Variants in TGM2 observed in about 807,000 individuals in gnomAD.
TGM2 encodes the protein transglutaminase 2, also known as protein-glutamine gamma-glutamyltransferase 2.
Under a neutral mutation model 75.6 loss-of-function variants are expected in TGM2, and 53 were observed. That is an observed-to-expected ratio of 0.70 (90% CI 0.56 to 0.88). TGM2 has a LOEUF of 0.88. TGM2 is among the 40% of genes least tolerant of loss of function. The pLI, the probability that TGM2 is intolerant of heterozygous loss-of-function variation, is 0.00. For synonymous variants in TGM2, 374 were observed against 381.1 expected (o/e 0.98, Z 0.22); for missense variants, 842 against 928.5 (o/e 0.91, Z 1.21).
At chr20:38,163,943 C>T (rs1009047932) in intron 1 of TGM2, among the ~76,000 whole-genome samples, 1 of 152,262 alleles carries the variant, frequency 6.6e-6, no homozygotes, top group Admixed American at 6.5e-5. Context: ...ACGCCCAGCT[C>T]CAAAGATGCA....
At chr20:38,135,424 C>G (rs1600482125) in intron 10 of TGM2, among the ~76,000 whole-genome samples, 1 of 151,952 alleles carries the variant, frequency 6.6e-6, no homozygotes, top group South Asian at 2.1e-4. Context: ...CACACACACA[C>G]ACACACACAT....
intron 2 of TGM2, among the ~76,000 whole-genome samples, chr20:38,160,507 T>A (rs1231755876): frequency 6.6e-6 from 1 of 152,166 alleles, no homozygotes; most frequent in African/African-American, 2.4e-5. Context: ...AACCTTCCAA[T>A]GTGAGGGCTT....
chr20:38,149,678 C>CAAAACAAA (rs2075091747), intron 4 of TGM2, among the ~76,000 whole-genome samples: 1 of 40,464 alleles, frequency 2.5e-5, no homozygotes, highest in South Asian at 1.1e-3. Context: ...GACTCCGCCT[C>CAAAACAAA]AAAAAAAAAA....
chr20:38,143,813 G>C (rs569919621), intron 6 of TGM2, among the ~76,000 whole-genome samples: 18 of 152,362 alleles, frequency 1.2e-4, no homozygotes, highest in African/African-American at 4.3e-4. Context: ...TTGAAGTTGA[G>C]TTTGGGAGTG....
chr20:38,165,338 A>C (rs189455092), upstream of TGM2: 5,598 of 1,317,394 alleles, frequency 4.2e-3, 15 homozygotes, highest in Non-Finnish European at 5.3e-3. Context: ...GCCCCGCGGG[A>C]AGGCGGCGAC....
chr20:38,144,118 G>A lies in TGM2; in HGVS notation c.860-1919C>T, dbSNP rs116096795. Among the ~76,000 whole-genome samples the A allele has an allele frequency of 6.5e-3, 990 of 152,260 alleles. 9 individuals are homozygous for A. The highest frequency in any genetic ancestry group is 0.022 in the African/African-American group (928 of 41,542). On this transcript the variant is annotated intron_variant, in intron 6 of 12. Coordinates refer to ENST00000361475, the MANE Select transcript of TGM2 (RefSeq NM_004613.4). ...GGGAGGTCTGTCTCTGCTTTCCAGGGAGCCAAGTGCCACTCTTGCCCCAGG... is the reference window on the plus strand; with the variant it reads ...GGGAGGTCTGTCTCTGCTTTCCAGGAAGCCAAGTGCCACTCTTGCCCCAGG...
At chr20:38,132,620 G>A in intron 10 of TGM2, 120 bp from the exon 11 acceptor site, 1 of 1,364,576 alleles carries the variant, frequency 7.3e-7, no homozygotes, top group Non-Finnish European at 1.0e-6. Context: ...GCGGGGGAAT[G>A]GCTGGGCGGA....
At chr20:38,159,012 G>A (rs930998224) in intron 2 of TGM2, among the ~76,000 whole-genome samples, 14 of 152,174 alleles carry the variant, frequency 9.2e-5, no homozygotes, top group African/African-American at 3.4e-4. Context: ...GCCTACAGGG[G>A]CTGCGGAAGT....
intron 10 of TGM2, among the ~76,000 whole-genome samples, chr20:38,137,411 C>A (rs1289006808): frequency 6.6e-6 from 1 of 152,138 alleles, no homozygotes; most frequent in East Asian, 1.9e-4. Flanking sequence ...TGAGATCGTG[C>A]CACTGCACTG....
rs900341794 is a variant in TGM2 at position 38,131,314 on chromosome 20, T to C, written c.1777-85A>G. 31 of 1,595,498 alleles carry C rather than the reference T, an allele frequency of 1.9e-5. No individual in the cohort carries two copies. The Admixed American group carries it at 3.8e-4, about 20-fold the overall frequency. On this transcript the variant is annotated intron_variant, in intron 11 of 12. Coordinates refer to ENST00000361475, the MANE Select transcript of TGM2 (RefSeq NM_004613.4). ...ATTCACTGCAATTTGGCCCAATATT[T>C]GCTGAACAAAGCTGTACCCAGGTCT... is the stretch of plus-strand genomic sequence containing the variant.
chr20:38,161,467 C>T lies in TGM2; in HGVS notation c.143G>A (p.Arg48His), dbSNP rs201597511. Residue 48 changes from arginine to histidine, a missense_variant, in exon 2 of 13, where the codon CGC (arginine) becomes CAC (histidine). By Grantham distance (29) the Arg-to-His change is conservative (BLOSUM62 0). Transcript: ENST00000361475. The part of the protein sequence containing the change: ...PFWLTLHFEG[R>H]NYEASVDSLT... ...ACTGTCTACACTGGCCTCGTAGTTG[C>T]GGCCCTCAAAGTGCAGGGTCAGCCA... is the stretch of plus-strand genomic sequence containing the variant. 2.8e-5 allele frequency: 45 copies of T among 1,614,134 alleles called. No individual in the cohort carries two copies. Among genetic ancestry groups the T allele is most frequent in the East Asian group, 2.2e-4 (10 of 44,884 alleles).
chr20:38,139,706 G>A (rs772574079), intron 8 of TGM2, 52 bp from the exon 9 acceptor site: 2 of 1,609,964 alleles, frequency 1.2e-6, no homozygotes, highest in Admixed American at 1.7e-5. Context: ...GTTGGGTGGT[G>A]TCCTCTAAAA....
At position 38,130,387 on chromosome 20, in the gene TGM2, G is replaced by C. The variant is rs759541794; in HGVS notation, c.1914-18C>G. The C allele has an allele frequency of 6.3e-7, 1 of 1,575,338 alleles. No individual in the cohort carries two copies. Among genetic ancestry groups the C allele is most frequent in the South Asian group, 1.2e-5 (1 of 85,912 alleles). ...GGTCTGGGCTGCAGGGAGAGAGGGGGTGGTGAGGAAAGGGGCCCAAGGCCT... is the reference window on the plus strand; with the variant it reads ...GGTCTGGGCTGCAGGGAGAGAGGGGCTGGTGAGGAAAGGGGCCCAAGGCCT... On this transcript the variant is annotated intron_variant, in intron 12 of 12. Transcript: ENST00000361475.
At chr20:38,134,865 C>T (rs2074879200) in intron 10 of TGM2, among the ~76,000 whole-genome samples, 1 of 152,222 alleles carries the variant, frequency 6.6e-6, no homozygotes. Flanking sequence ...TAACAAGTAA[C>T]TCAACCACAG....
intron 6 of TGM2, 146 bp from the exon 7 acceptor site, chr20:38,142,345 T>A: frequency 2.3e-6 from 3 of 1,296,722 alleles, no homozygotes; most frequent in Non-Finnish European, 3.2e-6. Context: ...GCCGGGACAA[T>A]GGCGCCCACC....
chr20:38,141,367 C>G lies in TGM2; in HGVS notation c.1014G>C (p.Val338=). Residue 338 remains valine (V), a synonymous_variant, in exon 8 of 13, where the codon GTG becomes GTC. Transcript: ENST00000361475. ...GGTCCGGCCTGGTCATCCACGACTCCACCCAGCAGTGGAAGTTCCTGAGGG... is the reference window on the plus strand; with the variant it reads ...GGTCCGGCCTGGTCATCCACGACTCGACCCAGCAGTGGAAGTTCCTGAGGG... ...SEMIWNFHCW[V]ESWMTRPDLQ... The G allele has an allele frequency of 3.8e-6, 6 of 1,585,068 alleles. No individual in the cohort carries two copies. The highest frequency in any genetic ancestry group is 5.1e-6 in the Non-Finnish European group (6 of 1,165,326).
upstream of TGM2, among the ~76,000 whole-genome samples, chr20:38,167,903 G>C (rs570235877): frequency 2.0e-5 from 3 of 152,110 alleles, no homozygotes; most frequent in East Asian, 5.8e-4. Context: ...CTTAACCTCT[G>C]TGCCTCAGTT....
intron 3 of TGM2, among the ~76,000 whole-genome samples, chr20:38,154,030 GCTGGTCTTGAACT>G (rs1347459059): frequency 6.6e-6 from 1 of 152,144 alleles, no homozygotes; most frequent in Non-Finnish European, 1.5e-5. Flanking sequence ...TGTTGGCCAG[GCTGGTCTTGAACT>G]CCTGCCTCAA....
intron 10 of TGM2, chr20:38,137,880 G>T (rs2074919279): frequency 2.2e-6 from 2 of 920,534 alleles, no homozygotes; most frequent in African/African-American, 1.7e-5. Context: ...TAACCTCTCT[G>T]TGCCTCAGTC....
Sources: allele counts gnomAD v4.1 joint callset (sites outside exome capture counted in the v4.1 genomes callset), GRCh38; gene constraint gnomAD v4.1.1; transcripts MANE v1.5; gene names NCBI Gene and HGNC (gene_info 2026-07-23, HGNC 2026-07-21).